UQCC1: variants seen among roughly 807,000 people sequenced by gnomAD.
The protein encoded by UQCC1 is ubiquinol-cytochrome c reductase complex assembly factor 1, also known as bFGF-repressed Zic-binding protein.
UQCC1 carries 38 observed loss-of-function variants against 48.0 expected under a neutral mutation model. That is an observed-to-expected ratio of 0.79 (90% CI 0.61 to 1.04). The LOEUF (loss-of-function observed/expected upper bound fraction) is 1.04. UQCC1 is among the 50% of genes least tolerant of loss of function. The pLI, the probability that UQCC1 is intolerant of heterozygous loss-of-function variation, is 0.00. For missense variants in UQCC1, 368 were observed against 381.8 expected, an observed-to-expected ratio of 0.96 and a Z score of 0.30; for synonymous variants, 111 against 129.2, an observed-to-expected ratio of 0.86 and a Z score of 0.95.
intron 6 of UQCC1, among the ~76,000 whole-genome samples, chr20:35,353,233 C>T (rs1002831264): frequency 9.9e-5 from 15 of 151,286 alleles, no homozygotes; most frequent in Non-Finnish European, 1.9e-4. Flanking sequence ...CCTATCTCTA[C>T]TAAAAATACA....
chr20:35,362,773 GA>G (rs1314203219), intron 6 of UQCC1, among the ~76,000 whole-genome samples: 2 of 152,136 alleles, frequency 1.3e-5, no homozygotes, highest in African/African-American at 4.8e-5. Flanking sequence ...AAGGCCAATG[GA>G]ATGGGGATAG....
chr20:35,302,860 C>A lies in UQCC1; in HGVS notation c.*1075G>T, dbSNP rs2060885997. ...ACCCATATAGAGTTTCTTTATATGA[C>A]TCATTTTATAGCAAGTTAAATGAAG... On this transcript the variant is annotated 3_prime_UTR_variant, in exon 10 of 10. Coordinates refer to ENST00000374385, the MANE Select transcript of UQCC1 (RefSeq NM_018244.5). 1 of 152,194 alleles carries A rather than the reference C, an allele frequency of 6.6e-6. No homozygotes were observed. Among genetic ancestry groups the A allele is most frequent in the Non-Finnish European group, 1.5e-5 (1 of 68,040 alleles). 9.4% of individuals were successfully genotyped at this position (152,194 alleles called of 1,614,324 possible). A position where few individuals can be genotyped will look rare whatever the true frequency, so the allele number is the denominator to read the frequency against.
At chr20:35,381,727 C>G (rs1406947) in intron 4 of UQCC1, among the ~76,000 whole-genome samples, 191 bp downstream of exon 4, 1 of 151,896 alleles carries the variant, frequency 6.6e-6, no homozygotes, top group Non-Finnish European at 1.5e-5. Flanking sequence ...AGGGGACACC[C>G]GCCTACCCAG....
chr20:35,362,000 G>T (rs2061610851), intron 6 of UQCC1, among the ~76,000 whole-genome samples: 1 of 152,126 alleles, frequency 6.6e-6, no homozygotes, highest in Admixed American at 6.5e-5. Context: ...AGGTACTAGT[G>T]CTCCATGACA....
intron 1 of UQCC1, among the ~76,000 whole-genome samples, chr20:35,403,067 CAAAAA>C (rs10707620): frequency 7.4e-6 from 1 of 134,946 alleles, no homozygotes; most frequent in African/African-American, 2.8e-5. Context: ...GACTTCGTCT[CAAAAA>C]AAAAAAAAAA....
intron 6 of UQCC1, among the ~76,000 whole-genome samples, chr20:35,358,180 C>G (rs963797721): frequency 2.0e-5 from 3 of 151,730 alleles, no homozygotes; most frequent in African/African-American, 7.3e-5. Flanking sequence ...CTGGTGAAAC[C>G]TCATCTCTAC....
At chr20:35,339,403 G>A (rs2061353212) in intron 7 of UQCC1, among the ~76,000 whole-genome samples, 1 of 152,110 alleles carries the variant, frequency 6.6e-6, no homozygotes, top group Non-Finnish European at 1.5e-5. Flanking sequence ...AAAGCTTCTT[G>A]GAGGAGGTGT....
intron 2 of UQCC1, among the ~76,000 whole-genome samples, chr20:35,387,817 GTTTCA>G (rs2061963781): frequency 7.0e-6 from 1 of 143,870 alleles, no homozygotes; most frequent in Non-Finnish European, 1.5e-5. Context: ...TTTTTTTTAA[GTTTCA>G]TTTCATACAG....
rs1368785223 is a variant in UQCC1 at position 35,304,041 on chromosome 20, T to G, written c.794A>C (p.Glu265Ala). ...QIQYLDSMNGEDLLLTGEVSW... is the reference protein window; with the variant it reads ...QIQYLDSMNGADLLLTGEVSW... ...CACCTCCCCTGTCAGAAGCAGATCC[T>G]CCCCGTTCATGGAGTCCAGGTACTG... The change falls in exon 10 of 10, where the codon GAG (glutamate) becomes GCG (alanine). Residue 265 changes from glutamate (E) to alanine (A), a missense_variant. Transcript: ENST00000374385. 1 of 1,613,974 alleles carries G rather than the reference T, an allele frequency of 6.2e-7. No individual in the cohort carries two copies. The highest frequency in any genetic ancestry group is 2.2e-5 in the East Asian group (1 of 44,868).
At chr20:35,363,426 T>C (rs1480500837) in intron 6 of UQCC1, among the ~76,000 whole-genome samples, 2 of 152,160 alleles carry the variant, frequency 1.3e-5, no homozygotes, top group Non-Finnish European at 2.9e-5. Context: ...CACATAGTCA[T>C]TGCAGCTGCA....
At chr20:35,396,926 C>A (rs2062086066) in intron 1 of UQCC1, among the ~76,000 whole-genome samples, 1 of 152,060 alleles carries the variant, frequency 6.6e-6, no homozygotes, top group Non-Finnish European at 1.5e-5. Flanking sequence ...TAATGAGGAC[C>A]AGATACATAA....
At chr20:35,401,481 G>T (rs917112536) in intron 1 of UQCC1, among the ~76,000 whole-genome samples, 2 of 152,070 alleles carry the variant, frequency 1.3e-5, no homozygotes, top group Non-Finnish European at 1.5e-5. Flanking sequence ...ACCCATCTCA[G>T]CCAGGAACAC....
chr20:35,355,197 T>TA (rs1323515650), intron 6 of UQCC1, among the ~76,000 whole-genome samples: 1 of 152,198 alleles, frequency 6.6e-6, no homozygotes, highest in East Asian at 1.9e-4. Flanking sequence ...ATCACTGTTA[T>TA]AACAAAGTGA....
rs1270798672 is a variant in UQCC1, at chr20:35,347,172, C to A, written c.565G>T (p.Val189Phe). The change falls in exon 7 of 10, where the codon GTC becomes TTC. Residue 189 changes from valine (V) to phenylalanine (F), a missense_variant. Physicochemically the swap from Val to Phe is conservative, Grantham distance 50. Transcript: ENST00000374385. ...MWEDVQQRGR[V>F]MGVNPYILKK... is the part of the protein sequence containing the mutation. Reference sequence around the variant, plus strand: ...TGACAGCACTCACTTACCCCCATGACTCTGCCGCGCTGCTGAACATCCTCC... The same window carrying A: ...TGACAGCACTCACTTACCCCCATGAATCTGCCGCGCTGCTGAACATCCTCC... The A allele has an allele frequency of 6.2e-7, 1 of 1,614,196 alleles. No homozygotes were observed. Among genetic ancestry groups the A allele is most frequent in the Non-Finnish European group, 8.5e-7 (1 of 1,180,038 alleles).
intron 9 of UQCC1, 131 bp from the exon 10 acceptor site, chr20:35,304,200 A>C: frequency 8.0e-7 from 1 of 1,244,038 alleles, no homozygotes. Context: ...TGACCATCCC[A>C]GGTCCCAGAC....
chr20:35,366,731 A>C, intron 5 of UQCC1, 117 bp from the exon 6 acceptor site: 1 of 824,916 alleles, frequency 1.2e-6, no homozygotes, highest in South Asian at 1.7e-5. Context: ...TATTGCAGAA[A>C]AGTCCAGTAG....
At chr20:35,333,092 C>T (rs1316120234) in intron 7 of UQCC1, among the ~76,000 whole-genome samples, 3 of 151,852 alleles carry the variant, frequency 2.0e-5, no homozygotes, top group South Asian at 4.2e-4. Flanking sequence ...CAACAAAAGG[C>T]ACATGTTATG....
At chr20:35,331,964 A>C (rs2061262509) in intron 7 of UQCC1, among the ~76,000 whole-genome samples, 1 of 152,218 alleles carries the variant, frequency 6.6e-6, no homozygotes, top group Non-Finnish European at 1.5e-5. Context: ...TGCGTGACTT[A>C]CCTTATAGAG....
At position 35,406,006 on chromosome 20, in the gene UQCC1, A is replaced by G. The variant is rs574736592; in HGVS notation, c.24+5934T>C. Among the ~76,000 whole-genome samples the G allele has an allele frequency of 4.6e-5, 7 of 152,316 alleles. No homozygotes were observed. In the South Asian group the frequency reaches 1.0e-3, roughly 23 times the overall value. On this transcript the variant is annotated intron_variant, in intron 1 of 9. Coordinates refer to ENST00000374385, the MANE Select transcript of UQCC1 (RefSeq NM_018244.5). Reference sequence around the variant, plus strand: ...AATCAGTGGTCTTGAAGATAGGTCAATTTAGATCATCCAGTCCAAGGAACA... The same window carrying G: ...AATCAGTGGTCTTGAAGATAGGTCAGTTTAGATCATCCAGTCCAAGGAACA...
Sources: allele counts gnomAD v4.1 joint callset (sites outside exome capture counted in the v4.1 genomes callset), GRCh38; gene constraint gnomAD v4.1.1; transcripts MANE v1.5; gene names NCBI Gene and HGNC (gene_info 2026-07-23, HGNC 2026-07-21).